Variants in MATN2 observed in about 807,000 individuals in gnomAD.
The protein encoded by MATN2 is matrilin-2.
In MATN2, 69 loss-of-function variants were observed where a neutral mutation model predicts 103.2. That is an observed-to-expected ratio of 0.67 (90% confidence interval 0.55 to 0.82). The LOEUF (loss-of-function observed/expected upper bound fraction) is 0.82. Ranked by LOEUF, MATN2 falls within the 40% of genes least tolerant of loss-of-function variation. MATN2 has a pLI of 0.00. For missense variants in MATN2, 1,023 were observed against 1,211.5 expected (o/e 0.84, Z 2.31); for synonymous variants, 429 against 450.2 (o/e 0.95, Z 0.60).
chr8:97,918,381 C>T (rs1809703326), intron 2 of MATN2, among the ~76,000 whole-genome samples: 1 of 152,188 alleles, frequency 6.6e-6, no homozygotes, highest in Non-Finnish European at 1.5e-5. Context: ...CGGCCCTGAG[C>T]CAGGCATCGA....
chr8:97,969,555 A>G (rs967671731), intron 5 of MATN2, among the ~76,000 whole-genome samples: 1 of 152,214 alleles, frequency 6.6e-6, no homozygotes, highest in Non-Finnish European at 1.5e-5. Context: ...TTGCAGTCAC[A>G]TGTAGGGAGC....
chr8:98,011,904 C>T (rs556713453), intron 10 of MATN2, among the ~76,000 whole-genome samples: 3 of 152,204 alleles, frequency 2.0e-5, no homozygotes, highest in Admixed American at 1.3e-4. Flanking sequence ...CCTAAAGACC[C>T]GTGCTACATC....
chr8:97,935,962 G>A (rs563143494), intron 3 of MATN2, among the ~76,000 whole-genome samples: 1 of 152,322 alleles, frequency 6.6e-6, no homozygotes, highest in Admixed American at 6.5e-5. Context: ...TGAGAGTCCT[G>A]GCTTTTTTCT....
At chr8:97,923,950 C>T (rs10087445) in intron 2 of MATN2, among the ~76,000 whole-genome samples, 19,137 of 152,256 alleles carry the variant, frequency 0.13, 1,503 homozygotes, top group Non-Finnish European at 0.17. Flanking sequence ...ATCTTCCCAG[C>T]TTACCTGTAC....
intron 1 of MATN2, among the ~76,000 whole-genome samples, chr8:97,870,904 C>T (rs1817873749): frequency 6.6e-6 from 1 of 152,238 alleles, no homozygotes; most frequent in Admixed American, 6.5e-5. Context: ...CTTCACCTTG[C>T]ATTTTCCTAT....
chr8:98,008,272 T>A (rs1440779844), intron 10 of MATN2, among the ~76,000 whole-genome samples: 1 of 152,110 alleles, frequency 6.6e-6, no homozygotes, highest in African/African-American at 2.4e-5. Context: ...CTTCTCTCCT[T>A]TACTGAAGAA....
chr8:97,941,728 T>A, intron 3 of MATN2, 49 bp from the exon 4 acceptor site: 9 of 1,542,442 alleles, frequency 5.8e-6, no homozygotes, highest in Non-Finnish European at 7.9e-6. Context: ...TGGAATGGAG[T>A]GAGAAAGGGC....
At chr8:97,964,671 G>C (rs1263706410) in intron 5 of MATN2, among the ~76,000 whole-genome samples, 1 of 152,158 alleles carries the variant, frequency 6.6e-6, no homozygotes, top group Admixed American at 6.5e-5. Flanking sequence ...CTGGGCTCAA[G>C]TGATCCTCCT....
chr8:97,953,833 G>T (rs187547228), intron 4 of MATN2, among the ~76,000 whole-genome samples: 1 of 150,802 alleles, frequency 6.6e-6, no homozygotes, highest in Non-Finnish European at 1.5e-5. Context: ...ATGGTGGTGC[G>T]TACCTTTAGT....
intron 4 of MATN2, among the ~76,000 whole-genome samples, chr8:97,950,176 G>A (rs1810897275): frequency 6.6e-6 from 1 of 152,182 alleles, no homozygotes; most frequent in Non-Finnish European, 1.5e-5. Flanking sequence ...ACTCAATAAA[G>A]CTGACATTCA....
chr8:98,023,856 G>A (rs13248865), intron 13 of MATN2, among the ~76,000 whole-genome samples: 32,592 of 152,012 alleles, frequency 0.21, 4,384 homozygotes, highest in African/African-American at 0.38. Context: ...AATACTATGC[G>A]GCCATAAAAA....
intron 10 of MATN2, among the ~76,000 whole-genome samples, chr8:98,014,918 T>G (rs1813308573): frequency 6.6e-6 from 1 of 152,226 alleles, no homozygotes; most frequent in Non-Finnish European, 1.5e-5. Context: ...TTTTAGAAAT[T>G]CTACTCAATC....
At chr8:97,936,857 C>T (rs918340565) in intron 3 of MATN2, among the ~76,000 whole-genome samples, 2 of 152,236 alleles carry the variant, frequency 1.3e-5, no homozygotes, top group Non-Finnish European at 1.5e-5. Flanking sequence ...CACTCACCCA[C>T]AGCATTCTAC....
At position 97,930,963 on chromosome 8, in the gene MATN2, T is replaced by C. The variant is rs368301779; in HGVS notation, c.153T>C (p.Cys51=). 525 of 1,606,882 alleles carry C rather than the reference T, an allele frequency of 3.3e-4. No individual in the cohort carries two copies. The highest frequency in any genetic ancestry group is 4.1e-4 in the Non-Finnish European group (482 of 1,175,596). Residue 51 remains cysteine, a synonymous_variant, in exon 3 of 19, where the codon TGT becomes TGC. Coordinates refer to ENST00000254898, the MANE Select transcript of MATN2 (RefSeq NM_002380.5). ...HPQTALLESS[C]ENKRADLVFI... ...CTCCTCTTTCCCCAGAGAGTTCCTGTGAGAACAAGCGGGCAGACCTGGTTT... is the reference window on the plus strand; with the variant it reads ...CTCCTCTTTCCCCAGAGAGTTCCTGCGAGAACAAGCGGGCAGACCTGGTTT...
chr8:97,963,419 C>T (rs923095288), intron 5 of MATN2, among the ~76,000 whole-genome samples: 2 of 152,138 alleles, frequency 1.3e-5, no homozygotes. Flanking sequence ...GGAAGCCCAC[C>T]TTGGCCCATG....
intron 4 of MATN2, among the ~76,000 whole-genome samples, chr8:97,952,579 T>G (rs1038541294): frequency 9.3e-6 from 1 of 107,706 alleles, no homozygotes; most frequent in African/African-American, 3.3e-5. Flanking sequence ...ACATCTAGGG[T>G]GCATGGGAGT....
chr8:97,991,220 G>A (rs1346844283), intron 6 of MATN2, among the ~76,000 whole-genome samples: 2 of 152,130 alleles, frequency 1.3e-5, no homozygotes, highest in Non-Finnish European at 2.9e-5. Context: ...TACAGCCAGT[G>A]CAACCCAGTA....
chr8:97,879,543 C>T (rs955538270), intron 1 of MATN2, among the ~76,000 whole-genome samples: 1 of 152,200 alleles, frequency 6.6e-6, no homozygotes, highest in Non-Finnish European at 1.5e-5. Flanking sequence ...AGAACATTCG[C>T]TGCAGCAGTG....
At chr8:98,023,720 TCA>T (rs1276925952) in intron 13 of MATN2, among the ~76,000 whole-genome samples, 1 of 152,068 alleles carries the variant, frequency 6.6e-6, no homozygotes, top group Non-Finnish European at 1.5e-5. Context: ...AGCCCAGTGC[TCA>T]CACACACTAA....
Sources: gnomAD v4.1 joint callset for allele counts (sites outside exome capture counted in the v4.1 genomes callset) on GRCh38, gnomAD v4.1.1 for gene constraint, MANE v1.5 for transcripts, NCBI Gene and HGNC (gene_info 2026-07-23, HGNC 2026-07-21) for gene names.